The following PSMG2 variants were observed in gnomAD, a reference collection of about 807,000 sequenced individuals.
The protein encoded by PSMG2 is proteasome assembly chaperone 2, also known as CD40 ligand-activated specific transcript 3.
Under a neutral mutation model 31.5 loss-of-function variants are expected in PSMG2, and 21 were observed. That is an observed-to-expected ratio of 0.67 (90% confidence interval 0.47 to 0.96). The LOEUF is 0.96. Among genes scored for constraint, PSMG2 ranks in the 40% least tolerant of loss-of-function variants. PSMG2 has a pLI of 0.00. For synonymous variants in PSMG2, 120 were observed against 110.4 expected (o/e 1.09, Z -0.54); for missense variants, 318 against 321.2 (o/e 0.99, Z 0.08).
At chr18:12,669,878 T>C (rs1195675568) in intron 1 of PSMG2, among the ~76,000 whole-genome samples, 1 of 151,182 alleles carries the variant, frequency 6.6e-6, no homozygotes, top group Non-Finnish European at 1.5e-5. Flanking sequence ...ATGCCTGTAA[T>C]CCCAGCTACT....
chr18:12,718,016 T>C (rs1246734862), intron 3 of PSMG2, among the ~76,000 whole-genome samples: 1 of 149,060 alleles, frequency 6.7e-6, no homozygotes, highest in Non-Finnish European at 1.5e-5. Flanking sequence ...TTTTTTCTTT[T>C]TTTTTTTTTT....
intron 2 of PSMG2, among the ~76,000 whole-genome samples, chr18:12,711,732 A>T (rs1364378589): frequency 6.9e-6 from 1 of 144,434 alleles, no homozygotes; most frequent in Non-Finnish European, 1.5e-5. Flanking sequence ...TTTATCCCTG[A>T]CTCAGGAGCT....
intron 1 of PSMG2, among the ~76,000 whole-genome samples, chr18:12,659,373 G>A (rs2038648049): frequency 6.6e-6 from 1 of 152,140 alleles, no homozygotes; most frequent in South Asian, 2.1e-4. Flanking sequence ...GGAAAATTAA[G>A]AAATTGAAAG....
chr18:12,690,395 A>G (rs1347409252), intron 1 of PSMG2, among the ~76,000 whole-genome samples: 1 of 152,214 alleles, frequency 6.6e-6, no homozygotes, highest in East Asian at 1.9e-4. Context: ...GGCTGAATAT[A>G]TACAAAATAT....
At chr18:12,719,294 G>C (rs2040407223) in intron 4 of PSMG2, among the ~76,000 whole-genome samples, 1 of 152,168 alleles carries the variant, frequency 6.6e-6, no homozygotes, top group African/African-American at 2.4e-5. Context: ...TTAAATGTAA[G>C]ACAGAGTATC....
chr18:12,714,512 C>T (rs1435943140), intron 3 of PSMG2, among the ~76,000 whole-genome samples: 2 of 141,458 alleles, frequency 1.4e-5, no homozygotes, highest in African/African-American at 5.3e-5. Context: ...TTCCTTGAAA[C>T]AGGGTCTCTC....
chr18:12,666,908 C>T (rs1187203015), intron 1 of PSMG2, among the ~76,000 whole-genome samples: 1 of 151,594 alleles, frequency 6.6e-6, no homozygotes, highest in East Asian at 1.9e-4. Flanking sequence ...AATATATTGA[C>T]AAAAAAAGTA....
intron 1 of PSMG2, among the ~76,000 whole-genome samples, chr18:12,675,870 T>C (rs1245236227): frequency 6.6e-6 from 1 of 151,910 alleles, no homozygotes; most frequent in Admixed American, 6.6e-5. Flanking sequence ...GCTTTCACCA[T>C]GTTGGCCAGG....
intron 1 of PSMG2, among the ~76,000 whole-genome samples, chr18:12,660,954 CTT>C (rs774160073): frequency 2.6e-5 from 4 of 152,274 alleles, no homozygotes; most frequent in Non-Finnish European, 5.9e-5. Context: ...ACACTTGACT[CTT>C]TTTTGTATAA....
chr18:12,703,609 T>C (rs960730932), intron 1 of PSMG2, among the ~76,000 whole-genome samples: 1 of 152,200 alleles, frequency 6.6e-6, no homozygotes, highest in Non-Finnish European at 1.5e-5. Context: ...TTATATTCAT[T>C]CATTGTTTTA....
chr18:12,698,942 T>C, upstream of PSMG2: 2 of 1,371,846 alleles, frequency 1.5e-6, no homozygotes, highest in Non-Finnish European at 2.0e-6. Flanking sequence ...TAACAAAGAT[T>C]TACTCAATTA....
intron 1 of PSMG2, among the ~76,000 whole-genome samples, chr18:12,696,724 T>G (rs1720042029): frequency 6.6e-6 from 1 of 152,148 alleles, no homozygotes; most frequent in Admixed American, 6.6e-5. Flanking sequence ...AGGCACCAGC[T>G]CTGCCCTCAA....
chr18:12,677,423 C>T (rs1006995568), intron 1 of PSMG2, among the ~76,000 whole-genome samples: 1 of 144,114 alleles, frequency 6.9e-6, no homozygotes, highest in African/African-American at 2.6e-5. Context: ...CGCCACTGCG[C>T]TCCAGCCTGG....
chr18:12,659,346 A>G lies in PSMG2; in HGVS notation c.-37+573A>G, dbSNP rs369278319. Among the ~76,000 whole-genome samples the G allele has an allele frequency of 2.6e-5, 4 of 152,296 alleles. No homozygotes were observed. The East Asian group carries it at 7.7e-4, about 29-fold the overall frequency. Reference sequence around the variant, plus strand: ...AGCTGGGAATGGGGAGGAGGGAGAAAAGCAACAGGACGAAAAGGAAAATTA... The same window carrying G: ...AGCTGGGAATGGGGAGGAGGGAGAAGAGCAACAGGACGAAAAGGAAAATTA... On this transcript the variant is annotated intron_variant, in intron 1 of 6. Transcript: ENST00000585331.
upstream of PSMG2, chr18:12,698,856 G>C: frequency 1.4e-6 from 1 of 693,152 alleles, no homozygotes. Context: ...AGAGCAGTGG[G>C]AAACAAAATA....
chr18:12,674,542 C>G (rs1568009822), intron 1 of PSMG2: 1 of 1,611,842 alleles, frequency 6.2e-7, no homozygotes, highest in African/African-American at 1.3e-5. Flanking sequence ...TTACCGAAGA[C>G]ATGTGGCAAA....
At chr18:12,672,562 A>AGAAG in intron 1 of PSMG2, 1 of 704,074 alleles carries the variant, frequency 1.4e-6, no homozygotes, top group Non-Finnish European at 1.7e-6. Flanking sequence ...AATGAAAGAA[A>AGAAG]AAAGGGTTTC....
At chr18:12,711,636 A>G (rs1012464204) in intron 2 of PSMG2, among the ~76,000 whole-genome samples, 1 of 152,076 alleles carries the variant, frequency 6.6e-6, no homozygotes, top group Non-Finnish European at 1.5e-5. Flanking sequence ...TGATCCACCA[A>G]AGGATTTGCT....
Position 12,703,134 on chromosome 18 carries a change from C to G in PSMG2, c.27C>G (p.Ala9=). The G allele has an allele frequency of 6.2e-7, 1 of 1,612,464 alleles. No individual in the cohort carries two copies. The highest frequency in any genetic ancestry group is 2.2e-5 in the East Asian group (1 of 44,814). The stretch of plus-strand genomic sequence containing the variant: ...TGTTCGTTCCCTGCGGGGAGTCGGC[C>G]CCCGACCTTGCCGGCTTCACCCTCC... MFVPCGES[A]PDLAGFTLLM... Residue 9 remains alanine (A), a synonymous_variant, in exon 1 of 7, where the codon GCC becomes GCG. Coordinates refer to ENST00000317615, the MANE Select transcript of PSMG2 (RefSeq NM_020232.5).
Sources: allele counts gnomAD v4.1 joint callset (sites outside exome capture counted in the v4.1 genomes callset), GRCh38; gene constraint gnomAD v4.1.1; transcripts MANE v1.5; gene names NCBI Gene and HGNC (gene_info 2026-07-23, HGNC 2026-07-21).